The following SERHL2 variants were observed in gnomAD, a reference collection of about 807,000 sequenced individuals.
The protein encoded by SERHL2 is serine hydrolase-like protein 2.
SERHL2 carries 29 observed loss-of-function variants against 25.5 expected under a neutral mutation model. The observed-to-expected ratio is 1.14, with a 90% confidence interval of 0.85 to 1.55. SERHL2 has a LOEUF of 1.55. Among genes scored for constraint, SERHL2 ranks in the 40% most tolerant of loss-of-function variants. The probability of loss-of-function intolerance (pLI) is 0.00; values close to 1 mark genes in which losing one functional copy is unlikely to be tolerated. For missense variants in SERHL2, 240 were observed against 252.3 expected (o/e 0.95, Z 0.33); for synonymous variants, 95 against 103.5 (o/e 0.92, Z 0.50).
At chr22:42,572,676 C>T (rs1924400302) in intron 11 of SERHL2, 147 bp downstream of exon 11, 1 of 1,416,830 alleles carries the variant, frequency 7.1e-7, no homozygotes, top group Admixed American at 2.8e-5. Flanking sequence ...CCTCATGCTC[C>T]ACTGTGGTCA....
Position 42,572,569 on chromosome 22 carries a change from G to A in SERHL2, c.825+40G>A, listed in dbSNP as rs367545365. 72 of 1,604,542 alleles carry A rather than the reference G, an allele frequency of 4.5e-5. 1 individual carries two copies. The highest frequency in any genetic ancestry group is 2.9e-4 in the South Asian group (26 of 90,242). Reference sequence around the variant, plus strand: ...AGGCAGCTGGTGTCCAGCCACTGTCGCCCACTCTGGTCCCACCTCACCCAT... The same window carrying A: ...AGGCAGCTGGTGTCCAGCCACTGTCACCCACTCTGGTCCCACCTCACCCAT... On this transcript the variant is annotated intron_variant, in intron 11 of 11. Coordinates refer to ENST00000327678, the MANE Select transcript of SERHL2 (RefSeq NM_014509.5).
intron 7 of SERHL2, among the ~76,000 whole-genome samples, 157 bp from the exon 8 acceptor site, chr22:42,560,029 C>A (rs1053338766): frequency 1.3e-5 from 2 of 151,922 alleles, no homozygotes; most frequent in Admixed American, 6.6e-5. Flanking sequence ...CCAGGCTGGT[C>A]TCAAACTCCT....
At chr22:42,557,533 C>A in intron 6 of SERHL2, among the ~76,000 whole-genome samples, 1 of 80,644 alleles carries the variant, frequency 1.2e-5, no homozygotes, top group Non-Finnish European at 3.6e-5. Context: ...CCAGCCTGGG[C>A]AACAAGAGGG....
At chr22:42,572,788 C>T (rs1419167752) in intron 11 of SERHL2, 1 of 893,676 alleles carries the variant, frequency 1.1e-6, no homozygotes, top group Non-Finnish European at 1.3e-6. Context: ...CCTCAGCCTC[C>T]TGAGTAGCTG....
In SERHL2 at chr22:42,565,427, G is replaced by C. The variant is rs2146713419; in HGVS notation, c.614-877G>C. 3 of 151,720 alleles carry C rather than the reference G, an allele frequency of 2.0e-5. No homozygotes were observed. In the South Asian group the frequency reaches 6.3e-4, roughly 32 times the overall value. The allele number at this position is 151,720 out of a possible 1,614,324, so 9.4% of individuals were successfully genotyped here. A position where few individuals can be genotyped will look rare whatever the true frequency, so the allele number is the denominator to read the frequency against. On this transcript the variant is annotated intron_variant, in intron 8 of 11. Coordinates refer to ENST00000327678, the MANE Select transcript of SERHL2 (RefSeq NM_014509.5). The stretch of plus-strand genomic sequence containing the variant: ...TGCAACCTCTGCCTCCCGGGTTTAA[G>C]CGATTCTCCTGCCTCAGCCTCCCGA...
chr22:42,570,446 TCA>T (rs1924009081), intron 9 of SERHL2, among the ~76,000 whole-genome samples: 1 of 152,018 alleles, frequency 6.6e-6, no homozygotes, highest in Non-Finnish European at 1.5e-5. Context: ...ACAATTGTTC[TCA>T]TATTTTAACA....
intron 6 of SERHL2, 139 bp downstream of exon 6, chr22:42,556,727 G>A (rs1332915758): frequency 7.7e-6 from 8 of 1,033,968 alleles, no homozygotes; most frequent in South Asian, 1.6e-5. Flanking sequence ...TCAGGGACCC[G>A]CTCCCCAACA....
chr22:42,566,217 G>T lies in SERHL2; in HGVS notation c.614-87G>T, dbSNP rs1240942753. The T allele has an allele frequency of 4.4e-6, 6 of 1,362,880 alleles. No homozygotes were observed. The East Asian group carries it at 7.0e-5, about 16-fold the overall frequency. 84.4% of individuals were successfully genotyped at this position (1,362,880 alleles called of 1,614,324 possible). A position where few individuals can be genotyped will look rare whatever the true frequency, so the allele number is the denominator to read the frequency against. ...GGAGAAATGGGCCCTGGCTGCAAAG[G>T]CCTGGAGGGTTCCAGCAAAGTCACG... On this transcript the variant is annotated intron_variant, in intron 8 of 11. Coordinates refer to ENST00000327678, the MANE Select transcript of SERHL2 (RefSeq NM_014509.5).
intron 8 of SERHL2, 130 bp from the exon 9 acceptor site, chr22:42,566,174 G>A: frequency 1.2e-6 from 1 of 847,766 alleles, no homozygotes; most frequent in Non-Finnish European, 1.9e-6. Flanking sequence ...GGGCAGCTGA[G>A]GACGTCGGGG....
intron 8 of SERHL2, among the ~76,000 whole-genome samples, chr22:42,561,977 C>T (rs1922737349): frequency 6.6e-6 from 1 of 151,720 alleles, no homozygotes; most frequent in African/African-American, 2.4e-5. Flanking sequence ...TCACAGGAAA[C>T]AGTGAATGCA....
At chr22:42,572,867 A>C in intron 11 of SERHL2, 1 of 331,024 alleles carries the variant, frequency 3.0e-6, no homozygotes, top group Non-Finnish European at 4.3e-6. Flanking sequence ...ATGGGGTTTC[A>C]CCATGTTGGC....
chr22:42,554,405 C>T (rs1274336079), intron 1 of SERHL2, among the ~76,000 whole-genome samples: 1 of 152,186 alleles, frequency 6.6e-6, no homozygotes, highest in Non-Finnish European at 1.5e-5. Flanking sequence ...CCTTGTCGCC[C>T]AGTGTGACCT....
chr22:42,572,229 A>G (rs1601861720), intron 10 of SERHL2, among the ~76,000 whole-genome samples: 3 of 152,006 alleles, frequency 2.0e-5, no homozygotes, highest in Admixed American at 1.3e-4. Context: ...TTCAGCATTC[A>G]CTTGTGCCTG....
rs559772165 is a variant in SERHL2 at position 42,566,391 on chromosome 22, T to C, written c.648+53T>C. On this transcript the variant is annotated intron_variant, in intron 9 of 11. Coordinates refer to ENST00000327678, the MANE Select transcript of SERHL2 (RefSeq NM_014509.5). Reference sequence around the variant, plus strand: ...GCCAAGGTTTGCCTGTTAGCGTCTTTGTCGTTTTTGAAAATTACAGGCCAG... The same window carrying C: ...GCCAAGGTTTGCCTGTTAGCGTCTTCGTCGTTTTTGAAAATTACAGGCCAG... The C allele has an allele frequency of 1.5e-3, 2,338 of 1,590,150 alleles. 24 individuals carry two copies. The highest frequency in any genetic ancestry group is 1.8e-3 in the Non-Finnish European group (2,134 of 1,162,424).
intron 8 of SERHL2, among the ~76,000 whole-genome samples, chr22:42,562,264 A>G (rs974927440): frequency 6.6e-6 from 1 of 151,796 alleles, no homozygotes; most frequent in Non-Finnish European, 1.5e-5. Context: ...CTGAGAGTTC[A>G]CATTCTATTC....
intron 8 of SERHL2, among the ~76,000 whole-genome samples, chr22:42,563,221 T>A (rs532113273): frequency 1.8e-3 from 271 of 151,132 alleles, no homozygotes; most frequent in African/African-American, 5.1e-3. Context: ...TGTTGTTGTT[T>A]TCAACAGGGT....
intron 1 of SERHL2, among the ~76,000 whole-genome samples, chr22:42,554,311 C>G (rs1475442985): frequency 1.3e-5 from 2 of 152,080 alleles, no homozygotes; most frequent in African/African-American, 4.8e-5. Context: ...AGTCTCCAGC[C>G]TTGCAGAGAC....
chr22:42,561,525 G>A (rs533187851), intron 8 of SERHL2, among the ~76,000 whole-genome samples: 21 of 151,772 alleles, frequency 1.4e-4, no homozygotes, highest in East Asian at 3.9e-4. Flanking sequence ...GGTGCAGGCC[G>A]GGAGGGAGGC....
chr22:42,573,065 C>CA (rs1436780318), intron 11 of SERHL2, among the ~76,000 whole-genome samples: 1 of 151,846 alleles, frequency 6.6e-6, no homozygotes, highest in East Asian at 1.9e-4. Context: ...TGGCTGTAGG[C>CA]AGAGGTGGCT....
Sources: allele counts gnomAD v4.1 joint callset (sites outside exome capture counted in the v4.1 genomes callset), GRCh38; gene constraint gnomAD v4.1.1; transcripts MANE v1.5; gene names NCBI Gene and HGNC (gene_info 2026-07-23, HGNC 2026-07-21).